PLCB4: variants seen among roughly 807,000 people sequenced by gnomAD.
The protein encoded by PLCB4 is 1-phosphatidylinositol 4,5-bisphosphate phosphodiesterase beta-4.
A neutral mutation model predicts 178.8 loss-of-function variants in PLCB4; 77 were observed. The ratio of observed to expected loss-of-function variants is 0.43; its 90% confidence interval spans 0.36 to 0.52. The LOEUF is 0.52. PLCB4 is among the 20% of genes least tolerant of loss of function. The pLI is 0.00. For synonymous variants in PLCB4, 496 were observed against 490.8 expected (o/e 1.01, Z -0.14); for missense variants, 1,024 against 1,453.4 (o/e 0.70, Z 4.80).
intron 7 of PLCB4, among the ~76,000 whole-genome samples, chr20:9,349,987 A>T (rs893783601): frequency 1.3e-5 from 2 of 152,134 alleles, no homozygotes; most frequent in East Asian, 3.8e-4. Context: ...ATTACATGAG[A>T]CTTTGTTGCC....
chr20:9,089,877 T>C (rs1416818801), intron 1 of PLCB4, among the ~76,000 whole-genome samples: 1 of 152,182 alleles, frequency 6.6e-6, no homozygotes, highest in Non-Finnish European at 1.5e-5. Context: ...ATATTTCATT[T>C]TGTAAATGAG....
chr20:9,423,254 A>G (rs2040769288), intron 27 of PLCB4, among the ~76,000 whole-genome samples: 1 of 152,226 alleles, frequency 6.6e-6, no homozygotes, highest in Non-Finnish European at 1.5e-5. Flanking sequence ...TGCATGAAGC[A>G]TTTATTCAGA....
chr20:9,303,692 A>G (rs2094731209), intron 3 of PLCB4, among the ~76,000 whole-genome samples: 1 of 152,158 alleles, frequency 6.6e-6, no homozygotes, highest in Non-Finnish European at 1.5e-5. Flanking sequence ...AGATCTTTCC[A>G]GTAAATACCC....
At chr20:9,265,311 C>T (rs1190061688) in intron 3 of PLCB4, among the ~76,000 whole-genome samples, 1 of 151,972 alleles carries the variant, frequency 6.6e-6, no homozygotes, top group Non-Finnish European at 1.5e-5. Flanking sequence ...GGCAAAACCC[C>T]ATCTCTACTA....
chr20:9,299,123 AC>A (rs1299605076), intron 3 of PLCB4, among the ~76,000 whole-genome samples: 1 of 152,064 alleles, frequency 6.6e-6, no homozygotes, highest in Non-Finnish European at 1.5e-5. Context: ...CTCCCATTGT[AC>A]AGGGAAGGTT....
chr20:9,346,371 A>G (rs893810258), intron 7 of PLCB4, among the ~76,000 whole-genome samples: 4 of 152,196 alleles, frequency 2.6e-5, no homozygotes, highest in Non-Finnish European at 4.4e-5. Context: ...AAGAACTTAC[A>G]TTAACTTAGT....
chr20:9,386,776 A>G (rs1296995110), intron 14 of PLCB4, among the ~76,000 whole-genome samples: 2 of 151,134 alleles, frequency 1.3e-5, no homozygotes, highest in Non-Finnish European at 3.0e-5. Flanking sequence ...GTCATTTAGC[A>G]TTAGATATAT....
chr20:9,386,918 AGTCTTACTTT>A (rs1358793448), intron 14 of PLCB4, among the ~76,000 whole-genome samples: 2 of 145,300 alleles, frequency 1.4e-5, no homozygotes, highest in Non-Finnish European at 3.0e-5. Flanking sequence ...ATTGGGACAG[AGTCTTACTTT>A]GTTGCCCAGG....
At chr20:9,354,874 T>G (rs2034656180) in intron 7 of PLCB4, among the ~76,000 whole-genome samples, 1 of 152,156 alleles carries the variant, frequency 6.6e-6, no homozygotes, top group African/African-American at 2.4e-5. Flanking sequence ...CAAATGCACA[T>G]TAAAGTTTGA....
At chr20:9,415,887 A>C (rs900568030) in intron 25 of PLCB4, among the ~76,000 whole-genome samples, 4 of 151,960 alleles carry the variant, frequency 2.6e-5, no homozygotes, top group Non-Finnish European at 4.4e-5. Flanking sequence ...CTTCCCTATC[A>C]ATGCCCCAGC....
At chr20:9,337,709 A>G (rs1432687252) in intron 5 of PLCB4, among the ~76,000 whole-genome samples, 1 of 152,190 alleles carries the variant, frequency 6.6e-6, no homozygotes, top group Non-Finnish European at 1.5e-5. Context: ...CATGTATTTA[A>G]TGATTATTAA....
intron 7 of PLCB4, among the ~76,000 whole-genome samples, chr20:9,358,737 T>G (rs1290536123): frequency 2.0e-5 from 3 of 150,042 alleles, no homozygotes; most frequent in Admixed American, 2.0e-4. Context: ...CTACTAAGAG[T>G]ACAAAAAAAA....
chr20:9,117,020 A>G (rs2091803902), intron 2 of PLCB4, among the ~76,000 whole-genome samples: 2 of 152,088 alleles, frequency 1.3e-5, no homozygotes, highest in Admixed American at 6.6e-5. Context: ...TTGGTTTTTG[A>G]ATGTCCCTGC....
intron 3 of PLCB4, among the ~76,000 whole-genome samples, chr20:9,279,437 G>T (rs937301059): frequency 1.3e-5 from 2 of 152,052 alleles, no homozygotes; most frequent in Admixed American, 1.3e-4. Context: ...CGTGAAGGGG[G>T]GGAAATGACA....
chr20:9,440,376 G>A (rs986654778), intron 30 of PLCB4, among the ~76,000 whole-genome samples: 2 of 152,224 alleles, frequency 1.3e-5, no homozygotes, highest in African/African-American at 4.8e-5. Context: ...GTACAGTGTA[G>A]AGTATACAGC....
chr20:9,182,025 T>C (rs1462008839), intron 2 of PLCB4, among the ~76,000 whole-genome samples: 1 of 151,854 alleles, frequency 6.6e-6, no homozygotes, highest in Non-Finnish European at 1.5e-5. Flanking sequence ...AGAGTGGGAG[T>C]TGAGAGGGCG....
At chr20:9,270,439 T>C (rs1017465258) in intron 3 of PLCB4, among the ~76,000 whole-genome samples, 2 of 152,174 alleles carry the variant, frequency 1.3e-5, no homozygotes, top group African/African-American at 4.8e-5. Flanking sequence ...ATACAATGTG[T>C]ATTGAATGTG....
At chr20:9,208,532 T>G (rs1014130478) in intron 2 of PLCB4, among the ~76,000 whole-genome samples, 19 of 152,146 alleles carry the variant, frequency 1.2e-4, no homozygotes, top group African/African-American at 4.1e-4. Context: ...ATTTAAACTT[T>G]TACTTTTTTT....
intron 3 of PLCB4, among the ~76,000 whole-genome samples, chr20:9,290,476 G>A (rs2094571112): frequency 6.6e-6 from 1 of 152,116 alleles, no homozygotes; most frequent in African/African-American, 2.4e-5. Flanking sequence ...AGTGAGGGAT[G>A]TTTTTCAGTT....
Sources: allele counts gnomAD v4.1 joint callset (sites outside exome capture counted in the v4.1 genomes callset), GRCh38; gene constraint gnomAD v4.1.1; transcripts MANE v1.5; gene names NCBI Gene and HGNC (gene_info 2026-07-23, HGNC 2026-07-21).